Variants in RP2 observed in about 807,000 individuals in gnomAD.
The protein encoded by RP2 is RP2 activator of ARL3 GTPase.
Under a neutral mutation model 20.3 loss-of-function variants are expected in RP2, and 3 were observed. That is an observed-to-expected ratio of 0.15 (90% CI 0.07 to 0.38). The LOEUF is 0.38. RP2 is among the 10% of genes least tolerant of loss of function. The pLI is 1.00. For missense variants in RP2, 233 were observed against 268.5 expected (o/e 0.87, Z 0.92); for synonymous variants, 75 against 94.8 (o/e 0.79, Z 1.22).
At chrX:46,844,967 C>T (rs1427090463) in intron 1 of RP2, among the ~76,000 whole-genome samples, 1 of 112,182 alleles carries the variant, frequency 8.9e-6, no homozygotes. Flanking sequence ...TGTTGGCTTG[C>T]ATAAATGTCT....
intron 1 of RP2, among the ~76,000 whole-genome samples, chrX:46,842,791 T>G (rs1490329768): frequency 1.8e-5 from 2 of 112,063 alleles, no homozygotes; most frequent in African/African-American, 6.5e-5. Context: ...TATCGTAACA[T>G]GTATCAAGAC....
intron 1 of RP2, among the ~76,000 whole-genome samples, chrX:46,837,960 A>G (rs1924545793): frequency 8.9e-6 from 1 of 112,222 alleles, no homozygotes. Context: ...GAAAACCTCC[A>G]TTAGTCTTAC....
intron 1 of RP2, among the ~76,000 whole-genome samples, chrX:46,847,929 CATATATATAT>C (rs10533014): frequency 4.9e-5 from 4 of 82,374 alleles, no homozygotes; most frequent in East Asian, 4.0e-4. Flanking sequence ...TGTGTATATA[CATATATATAT>C]ATATATATAT....
chrX:46,849,150 C>T (rs1924813485), intron 1 of RP2, among the ~76,000 whole-genome samples: 1 of 110,951 alleles, frequency 9.0e-6, no homozygotes, highest in Non-Finnish European at 1.9e-5. Flanking sequence ...AACTAGTAAC[C>T]TGCAAAATTA....
At chrX:46,878,739 C>T (rs1925417577) in intron 4 of RP2, among the ~76,000 whole-genome samples, 1 of 111,170 alleles carries the variant, frequency 9.0e-6, no homozygotes, top group Non-Finnish European at 1.9e-5. Context: ...ATTATCTAAT[C>T]CAGCTTTCTC....
rs1037856645 is a variant in RP2 at position 46,868,710 on chromosome X, C to T, written c.883+8608C>T. 1.2e-4 allele frequency among the ~76,000 whole-genome samples: 13 copies of T among 105,045 alleles called. No homozygotes were observed. In the East Asian group the frequency reaches 2.1e-3, roughly 17 times the overall value. The allele number at this position is 105,045 out of a possible 115,157, so 91.2% of individuals were successfully genotyped here. ...CTGAGGCAGGAGAATCGCTTGAGCC[C>T]GGCAGGTGGAGGTTGCAGTGAGCCA... On this transcript the variant is annotated intron_variant, in intron 3 of 4. Transcript: ENST00000218340.
chrX:46,839,989 T>G (rs927697508), intron 1 of RP2, among the ~76,000 whole-genome samples: 2 of 111,744 alleles, frequency 1.8e-5, no homozygotes, highest in Non-Finnish European at 3.8e-5. Flanking sequence ...GATGTTTTCT[T>G]TTTGAGATGG....
chrX:46,876,151 G>A (rs1412853725), intron 3 of RP2, among the ~76,000 whole-genome samples: 2 of 109,471 alleles, frequency 1.8e-5, no homozygotes, highest in Non-Finnish European at 3.8e-5. Flanking sequence ...ACATGGTCTC[G>A]CTCTGTTGTC....
chrX:46,872,520 G>A (rs1556326825), intron 3 of RP2, among the ~76,000 whole-genome samples: 1 of 111,075 alleles, frequency 9.0e-6, no homozygotes, highest in Non-Finnish European at 1.9e-5. Context: ...GGTTATGTTG[G>A]GTTTTACAGC....
intron 3 of RP2, among the ~76,000 whole-genome samples, chrX:46,862,531 G>A (rs781895489): frequency 2.7e-5 from 3 of 109,925 alleles, no homozygotes; most frequent in African/African-American, 6.6e-5. Context: ...GTGGTGGCGG[G>A]CGCCTGTAGT....
chrX:46,841,809 A>G (rs1344165239), intron 1 of RP2, among the ~76,000 whole-genome samples: 2 of 112,696 alleles, frequency 1.8e-5, no homozygotes, highest in Non-Finnish European at 3.7e-5. Flanking sequence ...AAAGTTGTTT[A>G]AAGGATATAA....
At chrX:46,855,531 G>C (rs782192510) in intron 2 of RP2, among the ~76,000 whole-genome samples, 4 of 110,316 alleles carry the variant, frequency 3.6e-5, no homozygotes, top group Non-Finnish European at 7.6e-5. Context: ...GCAGTGGCGC[G>C]ATCTCAGCTC....
intron 1 of RP2, among the ~76,000 whole-genome samples, chrX:46,846,438 A>G (rs1924715742): frequency 9.1e-6 from 1 of 109,605 alleles, no homozygotes; most frequent in African/African-American, 3.3e-5. Context: ...ATGGATAAAC[A>G]TAGCCAGGCA....
At chrX:46,846,488 G>A (rs781914267) in intron 1 of RP2, among the ~76,000 whole-genome samples, 1 of 110,324 alleles carries the variant, frequency 9.1e-6, no homozygotes, top group East Asian at 2.9e-4. Flanking sequence ...TTGGGAGGCT[G>A]AGACAGGAGG....
intron 2 of RP2, among the ~76,000 whole-genome samples, chrX:46,854,845 A>G (rs1372046012): frequency 2.7e-5 from 3 of 110,323 alleles, no homozygotes; most frequent in Non-Finnish European, 5.7e-5. Context: ...GCTCACCGCA[A>G]CTTCTGCCTC....
intron 2 of RP2, among the ~76,000 whole-genome samples, chrX:46,857,057 A>G: frequency 8.9e-6 from 1 of 111,890 alleles, no homozygotes; most frequent in East Asian, 2.8e-4. Flanking sequence ...GACTGAAACT[A>G]TGATTGCTAA....
chrX:46,856,444 T>TA (rs1924960497), intron 2 of RP2, among the ~76,000 whole-genome samples: 1 of 112,177 alleles, frequency 8.9e-6, no homozygotes, highest in South Asian at 3.7e-4. Context: ...ACATAGTGTT[T>TA]ACTATATGCC....
At chrX:46,876,287 T>C (rs1259213585) in intron 3 of RP2, among the ~76,000 whole-genome samples, 1 of 110,559 alleles carries the variant, frequency 9.0e-6, no homozygotes, top group Non-Finnish European at 1.9e-5. Flanking sequence ...ACCCAGCTAA[T>C]TTTTTAATTT....
intron 1 of RP2, among the ~76,000 whole-genome samples, chrX:46,838,398 G>A (rs1385117620): frequency 8.9e-6 from 1 of 111,856 alleles, no homozygotes; most frequent in African/African-American, 3.3e-5. Context: ...ATAATGTAGG[G>A]GAAGAAAGTA....
Sources: allele counts gnomAD v4.1 joint callset (sites outside exome capture counted in the v4.1 genomes callset), GRCh38; gene constraint gnomAD v4.1.1; transcripts MANE v1.5; gene names NCBI Gene and HGNC (gene_info 2026-07-23, HGNC 2026-07-21).